Variants in DPP6 observed in about 807,000 individuals in gnomAD.
DPP6 encodes the protein A-type potassium channel modulatory protein DPP6.
Under a neutral mutation model 122.6 loss-of-function variants are expected in DPP6, and 69 were observed. That is an observed-to-expected ratio of 0.56 (90% CI 0.46 to 0.69). DPP6 has a LOEUF of 0.69. Among genes scored for constraint, DPP6 ranks in the 30% least tolerant of loss-of-function variants. The pLI is 0.00. For synonymous variants in DPP6, 418 were observed against 433.1 expected, an observed-to-expected ratio of 0.97 and a Z score of 0.43; for missense variants, 928 against 1,116.9, an observed-to-expected ratio of 0.83 and a Z score of 2.41.
At chr7:153,869,522 C>A in the DPP6 span, among the ~76,000 whole-genome samples, 1 of 152,128 alleles carries the variant, frequency 6.6e-6, no homozygotes, top group East Asian at 1.9e-4. Context: ...TTCCTCCATC[C>A]CTTTATTTGG....
chr7:154,502,812 A>G (rs1171490840), intron 3 of DPP6, among the ~76,000 whole-genome samples: 1 of 152,168 alleles, frequency 6.6e-6, no homozygotes, highest in East Asian at 1.9e-4. Context: ...GGGAGTTTTC[A>G]TGGAGGGAAA....
intron 10 of DPP6, 69 bp from the exon 11 acceptor site, chr7:154,794,010 C>T: frequency 6.4e-7 from 1 of 1,559,998 alleles, no homozygotes; most frequent in South Asian, 1.2e-5. Flanking sequence ...GGGCTGGGGT[C>T]GGCGGTCCCC....
At chr7:154,823,846 G>A (rs981496733) in intron 16 of DPP6, among the ~76,000 whole-genome samples, 8 of 152,132 alleles carry the variant, frequency 5.3e-5, no homozygotes, top group South Asian at 2.1e-4. Context: ...AGGCAGATCC[G>A]GCACCTTCTC....
At chr7:153,964,941 T>TC (rs1350172148) in intron 1 of DPP6, among the ~76,000 whole-genome samples, 6 of 91,934 alleles carry the variant, frequency 6.5e-5, no homozygotes, top group African/African-American at 1.1e-4. Context: ...TTTCTTTCTT[T>TC]TTCTTTCTTT....
At chr7:154,369,965 CATTT>C (rs36198177) in intron 1 of DPP6, among the ~76,000 whole-genome samples, 11,909 of 145,860 alleles carry the variant, frequency 0.082, 609 homozygotes, top group African/African-American at 0.14. Flanking sequence ...CAGATATATG[CATTT>C]ATTTATTTAT....
At chr7:154,732,868 T>G (rs1842404538) in intron 8 of DPP6, among the ~76,000 whole-genome samples, 1 of 152,198 alleles carries the variant, frequency 6.6e-6, no homozygotes, top group Non-Finnish European at 1.5e-5. Flanking sequence ...CTAGTTCCCC[T>G]TGCGTGGTTC....
At chr7:154,496,134 C>A (rs1227110937) in intron 3 of DPP6, among the ~76,000 whole-genome samples, 1 of 152,156 alleles carries the variant, frequency 6.6e-6, no homozygotes, top group Non-Finnish European at 1.5e-5. Context: ...TCTTAATTTT[C>A]AAGGAGATGC....
At position 154,624,051 on chromosome 7, in the gene DPP6, CG is replaced by C. The variant is rs1834907255; in HGVS notation, c.628-13767del. ...TCTACTAAAAATACAAAAATTAGGC[CG>C]GGTGTAGTGGCTCACGCCAGTAATC... is the stretch of plus-strand genomic sequence containing the variant. On this transcript the variant is annotated intron_variant, in intron 5 of 25. Coordinates refer to ENST00000377770, the MANE Select transcript of DPP6 (RefSeq NM_130797.4). This position sits in a 1 kb window ranked among gnomAD's most constrained non-coding sequence, Gnocchi z 4.7. Among the ~76,000 whole-genome samples the C allele has an allele frequency of 1.3e-5, 2 of 151,868 alleles. No homozygotes were observed. The highest frequency in any genetic ancestry group is 4.8e-5 in the African/African-American group (2 of 41,326).
At chr7:153,907,120 A>G (rs1459776896) in intron 1 of DPP6, among the ~76,000 whole-genome samples, 1 of 152,226 alleles carries the variant, frequency 6.6e-6, no homozygotes, top group African/African-American at 2.4e-5. Context: ...ATTTCTACCA[A>G]TAGTATATAA....
At chr7:154,477,043 C>T (rs1442860041) in intron 3 of DPP6, among the ~76,000 whole-genome samples, 2 of 151,962 alleles carry the variant, frequency 1.3e-5, no homozygotes, top group Middle Eastern at 3.4e-3. Flanking sequence ...CATGCCATTG[C>T]ACTCCAACCT....
chr7:154,227,039 A>T (rs986759054), intron 1 of DPP6, among the ~76,000 whole-genome samples: 1 of 150,560 alleles, frequency 6.6e-6, no homozygotes, highest in Non-Finnish European at 1.5e-5. Context: ...AAAATCAAAA[A>T]TAGATTACAA....
intron 8 of DPP6, among the ~76,000 whole-genome samples, chr7:154,765,364 A>G (rs73728226): frequency 6.6e-6 from 1 of 152,150 alleles, no homozygotes; most frequent in Non-Finnish European, 1.5e-5. Context: ...CAACAGTCCA[A>G]TGGAGTCCCC....
chr7:154,683,936 A>G (rs888101440), intron 7 of DPP6, among the ~76,000 whole-genome samples: 1 of 152,194 alleles, frequency 6.6e-6, no homozygotes, highest in East Asian at 1.9e-4. Flanking sequence ...TGGTGTGAGC[A>G]TGGCTCACTG....
At chr7:154,416,852 G>A (rs1817069625) in intron 1 of DPP6, among the ~76,000 whole-genome samples, 2 of 146,642 alleles carry the variant, frequency 1.4e-5, no homozygotes, top group Admixed American at 1.4e-4. Context: ...TCTAGATCCA[G>A]CTTCTAGGAG....
At chr7:153,813,451 GTC>G in the DPP6 span, among the ~76,000 whole-genome samples, 12 of 152,102 alleles carry the variant, frequency 7.9e-5, no homozygotes, top group East Asian at 1.9e-4. Context: ...TTGGTTCCAA[GTC>G]TTTGCTATTG....
the DPP6 span, among the ~76,000 whole-genome samples, chr7:153,755,186 C>T: frequency 1.3e-5 from 2 of 150,904 alleles, no homozygotes; most frequent in African/African-American, 2.4e-5. Context: ...AGTTGGATGG[C>T]AACTCAAATA....
At chr7:154,305,528 A>C in intron 1 of DPP6, 1 of 1,604,574 alleles carries the variant, frequency 6.2e-7, no homozygotes, top group Non-Finnish European at 8.5e-7. Context: ...CGCTTCGGGG[A>C]AATCCGTGCA....
intron 1 of DPP6, among the ~76,000 whole-genome samples, chr7:154,012,791 C>G (rs569937097): frequency 3.3e-5 from 5 of 152,136 alleles, no homozygotes; most frequent in Admixed American, 1.3e-4. Flanking sequence ...GTTTGCTTAT[C>G]TTTTATGTGT....
chr7:154,715,657 C>T (rs1449232744), intron 7 of DPP6, among the ~76,000 whole-genome samples: 3 of 152,208 alleles, frequency 2.0e-5, no homozygotes, highest in African/African-American at 4.8e-5. Context: ...CTCATCCACC[C>T]ACCTGATGAA....
Sources: gnomAD v4.1 joint callset for allele counts (sites outside exome capture counted in the v4.1 genomes callset) on GRCh38, gnomAD v4.1.1 for gene constraint, Gnocchi (gnomAD v3.1) non-coding constraint, MANE v1.5 for transcripts, NCBI Gene and HGNC (gene_info 2026-07-23, HGNC 2026-07-21) for gene names.